The following PRKCA variants were observed in gnomAD, a reference collection of about 807,000 sequenced individuals.
PRKCA encodes the protein protein kinase C alpha type.
A neutral mutation model predicts 87.0 loss-of-function variants in PRKCA; 27 were observed. That is an observed-to-expected ratio of 0.31 (90% CI 0.23 to 0.43). The LOEUF is 0.43. PRKCA is among the 20% of genes least tolerant of loss of function. The pLI, the probability that PRKCA is intolerant of heterozygous loss-of-function variation, is 1.00. For missense variants in PRKCA, 518 were observed against 852.3 expected, an observed-to-expected ratio of 0.61 and a Z score of 4.88; for synonymous variants, 329 against 311.1, an observed-to-expected ratio of 1.06 and a Z score of -0.61.
At chr17:66,775,462 C>G in intron 14 of PRKCA, 1 of 985,414 alleles carries the variant, frequency 1.0e-6, no homozygotes, top group South Asian at 4.7e-5. Flanking sequence ...TATCTGAGAG[C>G]TCAGCAGGGG....
intron 3 of PRKCA, among the ~76,000 whole-genome samples, chr17:66,499,317 A>G (rs751199032): frequency 1.3e-5 from 2 of 152,090 alleles, no homozygotes; most frequent in Non-Finnish European, 2.9e-5. Flanking sequence ...AAAAGTAGGA[A>G]GAAAACCAGG....
intron 14 of PRKCA, among the ~76,000 whole-genome samples, chr17:66,783,994 A>G (rs990194617): frequency 2.0e-5 from 3 of 152,226 alleles, no homozygotes; most frequent in Admixed American, 6.5e-5. Flanking sequence ...CCGCTGTCGC[A>G]TCTGGAAATT....
At chr17:66,508,905 T>G (rs1334305243) in intron 3 of PRKCA, among the ~76,000 whole-genome samples, 1 of 152,206 alleles carries the variant, frequency 6.6e-6, no homozygotes, top group Non-Finnish European at 1.5e-5. Flanking sequence ...CTTCCAAGGT[T>G]GGTACAGAGT....
intron 5 of PRKCA, among the ~76,000 whole-genome samples, chr17:66,672,793 T>A (rs568656050): frequency 1.3e-5 from 2 of 152,346 alleles, no homozygotes; most frequent in East Asian, 3.9e-4. Flanking sequence ...AAAGCATACT[T>A]TGTTATAAAG....
At chr17:66,696,208 A>G (rs184371627) in intron 8 of PRKCA, among the ~76,000 whole-genome samples, 17 of 152,320 alleles carry the variant, frequency 1.1e-4, no homozygotes, top group African/African-American at 3.4e-4. Flanking sequence ...TAGAAGCCTC[A>G]GTGTTGGACC....
chr17:66,591,404 C>T (rs1969800838), intron 3 of PRKCA, among the ~76,000 whole-genome samples: 1 of 152,126 alleles, frequency 6.6e-6, no homozygotes, highest in African/African-American at 2.4e-5. Flanking sequence ...AATGATCCTC[C>T]CACTTTGGTC....
chr17:66,669,849 C>G (rs1972130079), intron 5 of PRKCA, among the ~76,000 whole-genome samples: 1 of 152,218 alleles, frequency 6.6e-6, no homozygotes, highest in South Asian at 2.1e-4. Context: ...TTGCAGTGAG[C>G]TGAGATTGCG....
intron 3 of PRKCA, among the ~76,000 whole-genome samples, chr17:66,615,852 C>G (rs1054349164): frequency 6.6e-6 from 1 of 152,140 alleles, no homozygotes. Context: ...GTTGAATGTT[C>G]AAATCCAAGC....
At chr17:66,450,517 G>T (rs1914255318) in intron 2 of PRKCA, among the ~76,000 whole-genome samples, 1 of 152,210 alleles carries the variant, frequency 6.6e-6, no homozygotes, top group Non-Finnish European at 1.5e-5. Context: ...GGCCTCCACA[G>T]TGAGGTGGGA....
intron 3 of PRKCA, among the ~76,000 whole-genome samples, 182 bp from the exon 4 acceptor site, chr17:66,641,173 T>C (rs1194483642): frequency 6.7e-6 from 1 of 149,648 alleles, no homozygotes; most frequent in East Asian, 1.9e-4. Flanking sequence ...CAACAGTAAA[T>C]ATCTAAAATA....
chr17:66,741,677 T>A lies in PRKCA; in HGVS notation c.1341T>A (p.Ile447=). ...EPQAVFYAAE[I]SIGLFFLHKR... The stretch of plus-strand genomic sequence containing the variant: ...TTTGCAGATTCTATGCGGCAGAGAT[T>A]TCCATCGGATTGTTCTTTCTTCATA... The change falls in exon 12 of 17, where the codon ATT becomes ATA. Residue 447 remains isoleucine (I), a synonymous_variant. Coordinates refer to ENST00000413366, the MANE Select transcript of PRKCA (RefSeq NM_002737.3). 2 of 1,614,176 alleles carry A rather than the reference T, an allele frequency of 1.2e-6. No individual in the cohort carries two copies. Among genetic ancestry groups the A allele is most frequent in the Non-Finnish European group, 1.7e-6 (2 of 1,180,028 alleles).
intron 13 of PRKCA, among the ~76,000 whole-genome samples, chr17:66,771,206 T>C (rs1045941128): frequency 2.0e-5 from 3 of 152,160 alleles, no homozygotes; most frequent in Non-Finnish European, 4.4e-5. Flanking sequence ...GGTTTCACCA[T>C]GTTGGCCAGG....
intron 2 of PRKCA, chr17:66,403,782 T>G (rs1367625062): frequency 6.6e-6 from 1 of 152,210 alleles, no homozygotes; most frequent in African/African-American, 2.4e-5. Flanking sequence ...TAACATTAGT[T>G]TTCAATAATG....
At chr17:66,309,739 C>A (rs1249858105) in intron 2 of PRKCA, among the ~76,000 whole-genome samples, 1 of 152,058 alleles carries the variant, frequency 6.6e-6, no homozygotes, top group African/African-American at 2.4e-5. Context: ...CTTGATGTAC[C>A]CCTAGCACTC....
intron 3 of PRKCA, among the ~76,000 whole-genome samples, chr17:66,518,950 T>A (rs1396958698): frequency 6.6e-6 from 1 of 152,192 alleles, no homozygotes; most frequent in Non-Finnish European, 1.5e-5. Context: ...TAATATCAAG[T>A]GTTGTGCTAT....
At chr17:66,738,678 A>C in intron 10 of PRKCA, 86 bp from the exon 11 acceptor site, 1 of 1,063,390 alleles carries the variant, frequency 9.4e-7, no homozygotes, top group Non-Finnish European at 1.4e-6. Context: ...TTAACTAATG[A>C]GAAAGCAAAA....
intron 10 of PRKCA, among the ~76,000 whole-genome samples, chr17:66,737,427 C>T (rs1014678154): frequency 3.9e-5 from 6 of 152,306 alleles, no homozygotes; most frequent in Admixed American, 3.3e-4. Flanking sequence ...CAAAGCTGGT[C>T]TTTCCACTCC....
At chr17:66,716,698 C>T (rs1973484175) in intron 8 of PRKCA, among the ~76,000 whole-genome samples, 1 of 152,094 alleles carries the variant, frequency 6.6e-6, no homozygotes, top group African/African-American at 2.4e-5. Flanking sequence ...CAAAGAAAAT[C>T]ACACACCGGG....
At chr17:66,700,962 C>T (rs1043765747) in intron 8 of PRKCA, among the ~76,000 whole-genome samples, 12 of 152,112 alleles carry the variant, frequency 7.9e-5, no homozygotes, top group African/African-American at 2.6e-4. Flanking sequence ...TCCCAGAATT[C>T]GTATGAAGCC....
Sources: gnomAD v4.1 joint callset for allele counts (sites outside exome capture counted in the v4.1 genomes callset) on GRCh38, gnomAD v4.1.1 for gene constraint, MANE v1.5 for transcripts, NCBI Gene and HGNC (gene_info 2026-07-23, HGNC 2026-07-21) for gene names.